Variants in TMC6 observed in about 807,000 individuals in gnomAD.
The protein encoded by TMC6 is transmembrane channel-like protein 6.
TMC6 carries 71 observed loss-of-function variants against 95.4 expected under a neutral mutation model. That is an observed-to-expected ratio of 0.74 (90% CI 0.61 to 0.91). The LOEUF is 0.91. Among genes scored for constraint, TMC6 ranks in the 40% least tolerant of loss-of-function variants. The pLI, the probability that TMC6 is intolerant of heterozygous loss-of-function variation, is 0.00. For synonymous variants in TMC6, 514 were observed against 483.1 expected (o/e 1.06, Z -0.84); for missense variants, 1,074 against 1,079.1 (o/e 1.00, Z 0.07).
chr17:78,124,459 G>A, intron 8 of TMC6, 65 bp downstream of exon 8: 2 of 1,595,582 alleles, frequency 1.3e-6, no homozygotes, highest in Non-Finnish European at 1.7e-6. Flanking sequence ...GGACAAGAAG[G>A]GAACACGGTA....
At chr17:78,117,684 C>T (rs1220896615) in intron 16 of TMC6, 40 bp from the exon 17 acceptor site, 2 of 1,555,288 alleles carry the variant, frequency 1.3e-6, no homozygotes, top group East Asian at 2.4e-5. Flanking sequence ...CCCCGAGCAA[C>T]AGTTCACCCG....
At chr17:78,123,272 C>G (rs1349594592) in intron 9 of TMC6, 2 of 267,690 alleles carry the variant, frequency 7.5e-6, no homozygotes, top group Admixed American at 5.0e-5. Flanking sequence ...GCAAGCCCCC[C>G]TAGGACATTT....
Position 78,125,021 on chromosome 17 carries a change from T to TG in TMC6, c.537-37dup, listed in dbSNP as rs777511279. The TG allele has an allele frequency of 8.4e-6, 13 of 1,553,810 alleles. No individual in the cohort carries two copies. In the East Asian group the frequency reaches 2.4e-4, roughly 28 times the overall value. The stretch of plus-strand genomic sequence containing the variant: ...AGGCAGCCATAGGTGCCTGGACCAA[T>TG]GAGGGGCCTGACTCTCTCCTTCCTG... On this transcript the variant is annotated intron_variant, in intron 6 of 19. Transcript: ENST00000590602.
rs958325736 is a variant in TMC6 at position 78,124,758 on chromosome 17, C to T, written c.657G>A (p.Ala219=). 15 of 1,583,596 alleles carry T rather than the reference C, an allele frequency of 9.5e-6. No homozygotes were observed. Among genetic ancestry groups the T allele is most frequent in the Admixed American group, 9.1e-5 (5 of 54,868 alleles). The stretch of plus-strand genomic sequence containing the variant: ...TCAGGGCCTGCAGGGCGGAGAGCAG[C>T]GCCAGGCCCAGGCTGTGCAAGGCCT... The part of the protein sequence containing the change: ...CVLALHSLGL[A]LLSALQALMP... Residue 219 remains alanine (A), a synonymous_variant, in exon 8 of 20, where the codon GCG becomes GCA. Coordinates refer to ENST00000590602, the MANE Select transcript of TMC6 (RefSeq NM_001127198.5).
At chr17:78,124,496 C>T in intron 8 of TMC6, 28 bp downstream of exon 8, 3 of 1,604,294 alleles carry the variant, frequency 1.9e-6, no homozygotes, top group Admixed American at 1.7e-5. Flanking sequence ...CAGGCACCCC[C>T]CGTCCCCCAG....
In TMC6 at chr17:78,119,314, A is replaced by C; in HGVS notation, c.1794T>G (p.Tyr598Ter). Reference protein sequence around the residue: ...DIARNVLELIYGQTLTWLGVL... With the variant: ...DIARNVLELI ...ACCCTCACCAGGTCAGAGTCTGCCCATAAATCAGCTCCAGGACATTCCGGG... is the reference window on the plus strand; with the variant it reads ...ACCCTCACCAGGTCAGAGTCTGCCCCTAAATCAGCTCCAGGACATTCCGGG... The change falls in exon 14 of 20, where the codon TAT (tyrosine) becomes TAG (stop). Residue 598 changes from tyrosine (Y) to a stop codon, truncating the protein, a stop_gained. Transcript: ENST00000590602. LOFTEE classifies it high-confidence loss of function. 1 of 1,614,066 alleles carries C rather than the reference A, an allele frequency of 6.2e-7. No individual in the cohort carries two copies. The highest frequency in any genetic ancestry group is 8.5e-7 in the Non-Finnish European group (1 of 1,180,014).
intron 18 of TMC6, chr17:78,113,849 GA>G: frequency 3.5e-6 from 2 of 567,700 alleles, no homozygotes; most frequent in Non-Finnish European, 3.2e-6. Flanking sequence ...TGGCCAAAGT[GA>G]AAAGGGAAAT....
chr17:78,124,319 A>T, intron 8 of TMC6, 140 bp from the exon 9 acceptor site: 2 of 1,340,704 alleles, frequency 1.5e-6, no homozygotes, highest in Non-Finnish European at 2.0e-6. Context: ...GGCCACAGCA[A>T]TCTTGGGCCT....
chr17:78,115,484 C>T (rs958230330), intron 18 of TMC6, among the ~76,000 whole-genome samples: 1 of 152,180 alleles, frequency 6.6e-6, no homozygotes, highest in Non-Finnish European at 1.5e-5. Context: ...GCCACAGGAC[C>T]TGCTTCACGG....
chr17:78,115,681 G>GA (rs1360471906), intron 18 of TMC6, among the ~76,000 whole-genome samples: 24 of 83,336 alleles, frequency 2.9e-4, no homozygotes, highest in Non-Finnish European at 4.1e-4. Flanking sequence ...TGGGCACAGG[G>GA]GCGAAGGGAG....
chr17:78,113,192 C>T lies in TMC6; in HGVS notation c.2374G>A (p.Ala792Thr). The T allele has an allele frequency of 1.9e-6, 3 of 1,557,264 alleles. No homozygotes were observed. Among genetic ancestry groups the T allele is most frequent in the South Asian group, 2.4e-5 (2 of 84,516 alleles). ...ERSRVGTTEE[A>T]AAPPALLTDE... ...GTGAGCAGGGCAGGGGGTGCCGCAG[C>T]CTCCTCGGTTGTCCCAACCCTGCCA... is the stretch of plus-strand genomic sequence containing the variant. The change falls in exon 20 of 20, where the codon GCT becomes ACT. Residue 792 changes from alanine to threonine, a missense_variant. By Grantham distance (58) the Ala-to-Thr change is moderately conservative. Coordinates refer to ENST00000590602, the MANE Select transcript of TMC6 (RefSeq NM_001127198.5).
Position 78,110,692 on chromosome 17 carries a change from G to C in TMC6, c.*2456C>G, listed in dbSNP as rs979643237. On this transcript the variant is annotated 3_prime_UTR_variant, in exon 20 of 20. Transcript: ENST00000590602. ...CCATCCACTCGAACAACAGTTTGTA[G>C]ATCTTAGGCTGCTCTCATCGAGCAA... The C allele has an allele frequency of 6.6e-5, 10 of 152,274 alleles. No individual in the cohort carries two copies. The highest frequency in any genetic ancestry group is 5.9e-4 in the Admixed American group (9 of 15,286). The allele number at this position is 152,274 out of a possible 1,614,324, so 9.4% of individuals were successfully genotyped here. A position where few individuals can be genotyped will look rare whatever the true frequency, so the allele number is the denominator to read the frequency against.
rs756339427 is a variant in TMC6, at chr17:78,109,757, C to T, written c.*3391G>A. On this transcript the variant is annotated 3_prime_UTR_variant, in exon 20 of 20. Transcript: ENST00000590602. ...CTCAACCTTGGCCCATTAGAATTACCTGAAAATTTTTAAGATAATTCACAT... is the reference window on the plus strand; with the variant it reads ...CTCAACCTTGGCCCATTAGAATTACTTGAAAATTTTTAAGATAATTCACAT... 1.7e-5 allele frequency: 6 copies of T among 346,256 alleles called. No homozygotes were observed. The highest frequency in any genetic ancestry group is 3.4e-5 in the Non-Finnish European group (6 of 173,936). The allele number at this position is 346,256 out of a possible 1,614,324, so 21.4% of individuals were successfully genotyped here. A position where few individuals can be genotyped will look rare whatever the true frequency, so the allele number is the denominator to read the frequency against.
At position 78,122,987 on chromosome 17, in the gene TMC6, C is replaced by T. The variant is rs376568928; in HGVS notation, c.1083-238G>A. On this transcript the variant is annotated intron_variant, in intron 9 of 19. Transcript: ENST00000590602. This position sits in a 1 kb window ranked among gnomAD's most constrained non-coding sequence, Gnocchi z 4.9. ...GAAGAGGGGGCAGGGCTGCATTCACCGCGGACTTGGCTGGCTGCCTCCCAG... is the reference window on the plus strand; with the variant it reads ...GAAGAGGGGGCAGGGCTGCATTCACTGCGGACTTGGCTGGCTGCCTCCCAG... 12 of 612,170 alleles carry T rather than the reference C, an allele frequency of 2.0e-5. No individual in the cohort carries two copies. The highest frequency in any genetic ancestry group is 1.1e-4 in the Admixed American group (4 of 36,270). 37.9% of individuals were successfully genotyped at this position (612,170 alleles called of 1,614,324 possible).
At chr17:78,130,568 G>A (rs2145535680), upstream of TMC6, 1 of 152,432 alleles carries the variant, frequency 6.6e-6, no homozygotes, top group Non-Finnish European at 1.5e-5. Context: ...GGGGAAGGGT[G>A]GGCCACCCGC....
rs372999978 is a variant in TMC6, at chr17:78,128,184, AC to A, written c.-75+427del. ...GTGGCGCCCGTTTCCAGGAACCCCC[AC>A]CCCAGCCGGCAGCGAGCTTCCCGGG... On this transcript the variant is annotated intron_variant, in intron 1 of 19. Coordinates refer to ENST00000590602, the MANE Select transcript of TMC6 (RefSeq NM_001127198.5). This position sits in a 1 kb window ranked among gnomAD's most constrained non-coding sequence, Gnocchi z 4.0. Among the ~76,000 whole-genome samples, 2 of 151,110 alleles carry A rather than the reference AC, an allele frequency of 1.3e-5. No individual in the cohort carries two copies. The highest frequency in any genetic ancestry group is 4.9e-5 in the African/African-American group (2 of 40,980).
At position 78,117,626 on chromosome 17, in the gene TMC6, G is replaced by C. The variant is rs1485084245; in HGVS notation, c.2040C>G (p.Thr680=). ...TGTCCAGGGTCCGGAAGGGGCCGCA[G>C]GTGCTCGAGGGCTTCACCCTGGGGA... is the stretch of plus-strand genomic sequence containing the variant. ...YAVWQVKPSS[T]CGPFRTLDTM... is the part of the protein sequence containing the mutation. The change falls in exon 17 of 20, where the codon ACC becomes ACG. Residue 680 remains threonine (T), a synonymous_variant. Coordinates refer to ENST00000590602, the MANE Select transcript of TMC6 (RefSeq NM_001127198.5). The C allele has an allele frequency of 1.9e-6, 3 of 1,573,144 alleles. No individual in the cohort carries two copies. Among genetic ancestry groups the C allele is most frequent in the Non-Finnish European group, 2.6e-6 (3 of 1,160,286 alleles).
At position 78,109,722 on chromosome 17, in the gene TMC6, A is replaced by G. The variant is rs1274778523; in HGVS notation, c.*3426T>C. ...CAGCCTGGTGCTCGGATGGGCCCAGAGCAGGGGTTCTCAACCTTGGCCCAT... is the reference window on the plus strand; with the variant it reads ...CAGCCTGGTGCTCGGATGGGCCCAGGGCAGGGGTTCTCAACCTTGGCCCAT... On this transcript the variant is annotated 3_prime_UTR_variant, in exon 20 of 20. Coordinates refer to ENST00000590602, the MANE Select transcript of TMC6 (RefSeq NM_001127198.5). 1 of 364,382 alleles carries G rather than the reference A, an allele frequency of 2.7e-6. No homozygotes were observed. The highest frequency in any genetic ancestry group is 5.5e-6 in the Non-Finnish European group (1 of 182,124). The allele number at this position is 364,382 out of a possible 1,614,324, so 22.6% of individuals were successfully genotyped here.
chr17:78,118,123 G>T, intron 15 of TMC6, 188 bp from the exon 16 acceptor site: 1 of 976,710 alleles, frequency 1.0e-6, no homozygotes. Flanking sequence ...GCAAACGGGT[G>T]ATGCCAACAG....
Sources: gnomAD v4.1 joint callset for allele counts (sites outside exome capture counted in the v4.1 genomes callset) on GRCh38, gnomAD v4.1.1 for gene constraint, Gnocchi (gnomAD v3.1) non-coding constraint, MANE v1.5 for transcripts, NCBI Gene and HGNC (gene_info 2026-07-23, HGNC 2026-07-21) for gene names.